The following NFIA variants were observed in gnomAD, a reference collection of about 807,000 sequenced individuals.
The protein encoded by NFIA is nuclear factor I A.
In NFIA, 8 loss-of-function variants were observed where a neutral mutation model predicts 62.8. That is an observed-to-expected ratio of 0.13 (90% CI 0.07 to 0.23). NFIA has a LOEUF of 0.23. Ranked by LOEUF, NFIA falls within the 10% of genes least tolerant of loss-of-function variation. The pLI is 1.00. For synonymous variants in NFIA, 235 were observed against 238.1 expected (o/e 0.99, Z 0.12); for missense variants, 410 against 642.1 (o/e 0.64, Z 3.91).
At chr1:61,090,275 G>A (rs776788042) in intron 2 of NFIA, among the ~76,000 whole-genome samples, 21 of 152,104 alleles carry the variant, frequency 1.4e-4, no homozygotes, top group Non-Finnish European at 2.6e-4. Flanking sequence ...TTAAAATCTT[G>A]TTTTTACCTT....
chr1:61,289,632 A>G (rs1222371606), intron 3 of NFIA, among the ~76,000 whole-genome samples: 2 of 152,246 alleles, frequency 1.3e-5, no homozygotes, highest in East Asian at 1.9e-4. Flanking sequence ...TTTCTAATGT[A>G]TAAGGTGCGA....
chr1:61,411,710 G>A (rs1472943287), intron 9 of NFIA, among the ~76,000 whole-genome samples: 1 of 151,806 alleles, frequency 6.6e-6, no homozygotes. Flanking sequence ...TGCTACATAG[G>A]GAAATCAAGC....
At chr1:61,212,463 G>C (rs1021219123) in intron 2 of NFIA, among the ~76,000 whole-genome samples, 1 of 152,016 alleles carries the variant, frequency 6.6e-6, no homozygotes, top group Admixed American at 6.6e-5. Context: ...CAGATAATGT[G>C]GTAAGGACTT....
intron 2 of NFIA, among the ~76,000 whole-genome samples, chr1:61,175,032 A>C (rs556258450): frequency 1.3e-3 from 198 of 152,260 alleles, no homozygotes; most frequent in Admixed American, 2.3e-3. Context: ...TTAAAAAAAA[A>C]CAAAAAAACA....
intron 3 of NFIA, among the ~76,000 whole-genome samples, chr1:61,292,179 C>T (rs901446644): frequency 1.3e-5 from 2 of 152,074 alleles, no homozygotes; most frequent in Admixed American, 6.6e-5. Flanking sequence ...TTAAAAGCTA[C>T]AGTATAAATG....
At chr1:61,435,973 T>C (rs1667309795) in intron 10 of NFIA, among the ~76,000 whole-genome samples, 1 of 152,166 alleles carries the variant, frequency 6.6e-6, no homozygotes, top group Non-Finnish European at 1.5e-5. Flanking sequence ...AGATGCTATG[T>C]GCGTGACTGT....
chr1:61,142,109 T>C (rs1189205184), intron 2 of NFIA, among the ~76,000 whole-genome samples: 2 of 151,836 alleles, frequency 1.3e-5, no homozygotes, highest in African/African-American at 4.8e-5. Context: ...AAAAAAAAAA[T>C]TGTGCTTTTG....
At chr1:61,113,751 T>TGGAGA (rs56414026) in intron 2 of NFIA, among the ~76,000 whole-genome samples, 142,780 of 151,878 alleles carry the variant, frequency 0.94, 67,214 homozygotes, top group Middle Eastern at 0.97. Context: ...GAGGCCATGG[T>TGGAGA]GGAGAGAAGA....
At chr1:61,341,263 C>A in intron 4 of NFIA, among the ~76,000 whole-genome samples, 1 of 151,854 alleles carries the variant, frequency 6.6e-6, no homozygotes. Flanking sequence ...CGGGGTTTCA[C>A]CGTGGTCTCG....
rs1665713101 is a variant in NFIA, at chr1:61,404,279, C to A, written c.1251C>A (p.Leu417=). 1 of 1,600,404 alleles carries A rather than the reference C, an allele frequency of 6.2e-7. No individual in the cohort carries two copies. The highest frequency in any genetic ancestry group is 1.1e-5 in the South Asian group (1 of 89,076). Residue 417 remains leucine (L), a synonymous_variant, in exon 8 of 11, where the codon CTC becomes CTA. Transcript: ENST00000403491. ...AGCAGGCTGGACAGGTGGGGTTCCT[C>A]AATGTAAGGAAACCTCTTTTTTTCC... The part of the protein sequence containing the change: ...AGQQAGQVGF[L]NPNGSSQGKV...
intron 9 of NFIA, among the ~76,000 whole-genome samples, chr1:61,421,118 CT>C (rs1176704151): frequency 6.6e-6 from 1 of 152,202 alleles, no homozygotes; most frequent in African/African-American, 2.4e-5. Context: ...TCCATCTCCC[CT>C]GTAAGGCTTG....
At chr1:61,132,792 G>C (rs1647104190) in intron 2 of NFIA, 1 of 152,174 alleles carries the variant, frequency 6.6e-6, no homozygotes, top group Non-Finnish European at 1.5e-5. Flanking sequence ...CCGAAGTTTA[G>C]AACATGGCTG....
intron 2 of NFIA, among the ~76,000 whole-genome samples, chr1:61,232,605 T>G (rs1431510102): frequency 6.6e-6 from 1 of 152,204 alleles, no homozygotes; most frequent in Non-Finnish European, 1.5e-5. Flanking sequence ...ATTGGCACTA[T>G]ATTTCAAACT....
At chr1:61,086,910 A>G (rs573081803) in intron 1 of NFIA, among the ~76,000 whole-genome samples, 1 of 152,284 alleles carries the variant, frequency 6.6e-6, no homozygotes, top group East Asian at 1.9e-4. Flanking sequence ...TTAGCAAAAA[A>G]GCCATCGAAT....
chr1:61,404,371 T>C (rs1270626291), intron 8 of NFIA, 89 bp downstream of exon 8: 2 of 1,310,802 alleles, frequency 1.5e-6, no homozygotes, highest in Non-Finnish European at 2.1e-6. Flanking sequence ...TGTGACGTTG[T>C]GCTCTAATGT....
intron 2 of NFIA, among the ~76,000 whole-genome samples, chr1:61,217,202 A>G (rs1653685336): frequency 6.6e-6 from 1 of 150,432 alleles, no homozygotes; most frequent in Non-Finnish European, 1.5e-5. Context: ...GACTGCCGGC[A>G]CATGCCACCA....
At chr1:61,220,915 C>T (rs1032827652) in intron 2 of NFIA, among the ~76,000 whole-genome samples, 1 of 152,190 alleles carries the variant, frequency 6.6e-6, no homozygotes, top group Non-Finnish European at 1.5e-5. Context: ...TATAAATCCA[C>T]ATGTTAAATA....
At chr1:61,369,925 G>A (rs1332021529) in intron 6 of NFIA, among the ~76,000 whole-genome samples, 7 of 152,008 alleles carry the variant, frequency 4.6e-5, no homozygotes. Flanking sequence ...CTCTTTAAAC[G>A]TTAAATAACC....
chr1:61,153,358 A>G (rs932933915), intron 2 of NFIA, among the ~76,000 whole-genome samples: 5 of 152,172 alleles, frequency 3.3e-5, no homozygotes, highest in South Asian at 4.1e-4. Context: ...TGCTATACTA[A>G]GGGTCTAAAT....
Sources: gnomAD v4.1 joint callset for allele counts (sites outside exome capture counted in the v4.1 genomes callset) on GRCh38, gnomAD v4.1.1 for gene constraint, MANE v1.5 for transcripts, NCBI Gene and HGNC (gene_info 2026-07-23, HGNC 2026-07-21) for gene names.